Variants in PRP4K observed in about 807,000 individuals in gnomAD.
The protein encoded by PRP4K is pre-mRNA processing factor kinase PRP4K.
the PRP4K span, chr6:4,040,822 G>C: frequency 1.2e-6 from 2 of 1,613,958 alleles, no homozygotes; most frequent in Non-Finnish European, 1.7e-6. Flanking sequence ...TCTCGATCAC[G>C]CGGTGGTCGT....
chr6:4,034,720 A>ATT, the PRP4K span, among the ~76,000 whole-genome samples: 1 of 151,534 alleles, frequency 6.6e-6, no homozygotes, highest in Non-Finnish European at 1.5e-5. Flanking sequence ...ATTTTATTTT[A>ATT]TTTTATTTTT....
At chr6:4,059,089 A>G in the PRP4K span, among the ~76,000 whole-genome samples, 1 of 152,144 alleles carries the variant, frequency 6.6e-6, no homozygotes, top group African/African-American at 2.4e-5. Flanking sequence ...CTTCCCATCC[A>G]GCTTTCTTAT....
chr6:4,052,246 C>A, the PRP4K span: 1 of 872,896 alleles, frequency 1.1e-6, no homozygotes, highest in Non-Finnish European at 1.7e-6. Flanking sequence ...TGGTTAACAG[C>A]TAGTCTTTGT....
chr6:4,064,686 A>G, the PRP4K span: 1 of 152,638 alleles, frequency 6.6e-6, no homozygotes, highest in Non-Finnish European at 1.5e-5. Flanking sequence ...TGTTCACGAC[A>G]AATTCATTTG....
chr6:4,057,989 A>C, the PRP4K span, among the ~76,000 whole-genome samples: 1 of 152,082 alleles, frequency 6.6e-6, no homozygotes, highest in Non-Finnish European at 1.5e-5. Context: ...AAGGTCAGAA[A>C]ACTGTATGGT....
At chr6:4,041,743 C>A in the PRP4K span, among the ~76,000 whole-genome samples, 1 of 151,986 alleles carries the variant, frequency 6.6e-6, no homozygotes, top group Non-Finnish European at 1.5e-5. Flanking sequence ...GATAACCCCC[C>A]ACACACACAC....
the PRP4K span, chr6:4,052,912 A>G: frequency 6.5e-7 from 1 of 1,543,318 alleles, no homozygotes; most frequent in South Asian, 1.2e-5. Context: ...CATCTTGAAC[A>G]TACATTTCAC....
chr6:4,056,194 A>G, the PRP4K span: 54 of 640,562 alleles, frequency 8.4e-5, 2 homozygotes, highest in South Asian at 1.1e-3. Flanking sequence ...TAGAAAAGGA[A>G]TTTTTAAATG....
chr6:4,058,739 A>G, the PRP4K span: 2 of 1,612,976 alleles, frequency 1.2e-6, no homozygotes, highest in Non-Finnish European at 1.7e-6. Flanking sequence ...TGATTCGAAA[A>G]GGTGTGTTCA....
chr6:4,044,860 A>ATTT, the PRP4K span, among the ~76,000 whole-genome samples: 7,446 of 118,906 alleles, frequency 0.063, 267 homozygotes, highest in South Asian at 0.12. Context: ...TATTATTATT[A>ATTT]TTATTTTTTT....
At chr6:4,045,783 A>G in the PRP4K span, among the ~76,000 whole-genome samples, 2 of 152,210 alleles carry the variant, frequency 1.3e-5, no homozygotes, top group Non-Finnish European at 2.9e-5. Flanking sequence ...TTGTATAGGC[A>G]CAATTCTCTG....
chr6:4,030,513 G>T, the PRP4K span, among the ~76,000 whole-genome samples: 1 of 152,176 alleles, frequency 6.6e-6, no homozygotes, highest in Non-Finnish European at 1.5e-5. Flanking sequence ...CTTTTAAAGA[G>T]AAAGTTAAAT....
the PRP4K span, chr6:4,064,811 T>C: frequency 6.5e-6 from 1 of 152,682 alleles, no homozygotes. Flanking sequence ...GGTAAGGGAC[T>C]GTTCTGAAGA....
the PRP4K span, chr6:4,056,862 G>A: frequency 9.4e-7 from 1 of 1,065,700 alleles, no homozygotes; most frequent in Non-Finnish European, 1.3e-6. Flanking sequence ...TTTTAAGTTT[G>A]AGTCTCTATT....
chr6:4,044,082 A>G, the PRP4K span: 38 of 1,504,528 alleles, frequency 2.5e-5, no homozygotes, highest in South Asian at 4.1e-4. Flanking sequence ...GTAACTTTAT[A>G]ATAAGAGACG....
At chr6:4,032,892 T>G in the PRP4K span, 3 of 1,020,756 alleles carry the variant, frequency 2.9e-6, no homozygotes, top group Non-Finnish European at 3.9e-6. Flanking sequence ...TTTCATAATT[T>G]TAAGTAACCC....
At chr6:4,046,196 A>C in the PRP4K span, among the ~76,000 whole-genome samples, 1 of 152,164 alleles carries the variant, frequency 6.6e-6, no homozygotes, top group African/African-American at 2.4e-5. Context: ...TGAATATATA[A>C]TTTTGCTATG....
the PRP4K span, among the ~76,000 whole-genome samples, chr6:4,046,779 T>C: frequency 6.6e-6 from 1 of 151,886 alleles, no homozygotes; most frequent in Non-Finnish European, 1.5e-5. Flanking sequence ...TTTCTCAGCC[T>C]CCCAAGTAGC....
chr6:4,045,592 G>A, the PRP4K span, among the ~76,000 whole-genome samples: 2 of 152,294 alleles, frequency 1.3e-5, no homozygotes, highest in East Asian at 3.9e-4. Context: ...GATTATTGGG[G>A]TTTATTAACT....
Sources: gnomAD v4.1 joint callset for allele counts (sites outside exome capture counted in the v4.1 genomes callset) on GRCh38, gnomAD v4.1.1 for gene constraint, MANE v1.5 for transcripts, NCBI Gene and HGNC (gene_info 2026-07-23, HGNC 2026-07-21) for gene names.